SLC35F4: variants seen among roughly 807,000 people sequenced by gnomAD.
SLC35F4 encodes the protein chromosome 14 open reading frame 36.
SLC35F4 carries 24 observed loss-of-function variants against 44.2 expected under a neutral mutation model. The observed-to-expected ratio is 0.54, with a 90% CI of 0.39 to 0.76. The LOEUF (loss-of-function observed/expected upper bound fraction) is 0.76. Among genes scored for constraint, SLC35F4 ranks in the 30% least tolerant of loss-of-function variants. SLC35F4 has a pLI of 0.00. For missense variants in SLC35F4, 562 were observed against 586.1 expected (o/e 0.96, Z 0.42); for synonymous variants, 238 against 223.6 (o/e 1.06, Z -0.57).
chr14:57,661,481 T>A (rs140154245), intron 1 of SLC35F4, among the ~76,000 whole-genome samples: 2 of 152,198 alleles, frequency 1.3e-5, no homozygotes, highest in Admixed American at 6.5e-5. Flanking sequence ...ACTTCCATCT[T>A]TTATAAACCT....
chr14:57,741,584 T>G (rs967401498), intron 1 of SLC35F4, among the ~76,000 whole-genome samples: 1 of 152,076 alleles, frequency 6.6e-6, no homozygotes, highest in Non-Finnish European at 1.5e-5. Flanking sequence ...GAAATGAGAC[T>G]ATGTAAAAAG....
intron 1 of SLC35F4, among the ~76,000 whole-genome samples, chr14:57,980,066 A>G (rs11158189): frequency 0.12 from 17,776 of 152,204 alleles, 1,226 homozygotes; most frequent in East Asian, 0.34. Flanking sequence ...AACTACCTGG[A>G]CAAAAGCTAT....
At chr14:57,962,680 G>A (rs1183947814) in intron 1 of SLC35F4, among the ~76,000 whole-genome samples, 2 of 152,202 alleles carry the variant, frequency 1.3e-5, no homozygotes, top group East Asian at 1.9e-4. Context: ...TCGCTTGGCC[G>A]TGCTTCTTTG....
chr14:57,973,686 T>C (rs185486331), downstream of SLC35F4, among the ~76,000 whole-genome samples: 1 of 152,222 alleles, frequency 6.6e-6, no homozygotes, highest in East Asian at 1.9e-4. Flanking sequence ...AGAAACCCAC[T>C]ACAAATCACC....
At chr14:57,955,561 C>T (rs1890221122) in intron 1 of SLC35F4, among the ~76,000 whole-genome samples, 1 of 152,210 alleles carries the variant, frequency 6.6e-6, no homozygotes, top group African/African-American at 2.4e-5. Flanking sequence ...AGCCGAAAAT[C>T]TCCTTAAGCT....
rs140382922 is a variant in SLC35F4 at position 57,822,923 on chromosome 14, C to A, written c.103+42800G>T. Among the ~76,000 whole-genome samples the A allele has an allele frequency of 4.9e-3, 746 of 152,230 alleles. 5 individuals carry two copies. The highest frequency in any genetic ancestry group is 7.9e-3 in the Non-Finnish European group (539 of 68,012). ...TCTCTTCTGTATCTACAACTTCATC[C>A]CCTAAGTGTTCCCAGGCATCAAAAA... On this transcript the variant is annotated intron_variant, in intron 1 of 7. Transcript: ENST00000556826.
chr14:57,841,218 A>AT (rs1040433195), intron 1 of SLC35F4, among the ~76,000 whole-genome samples: 16 of 152,232 alleles, frequency 1.1e-4, no homozygotes, highest in African/African-American at 3.9e-4. Flanking sequence ...AGATCAAGGG[A>AT]TTTTGAGCCC....
chr14:57,762,315 T>G (rs2077142830), intron 1 of SLC35F4, among the ~76,000 whole-genome samples: 1 of 152,168 alleles, frequency 6.6e-6, no homozygotes, highest in African/African-American at 2.4e-5. Context: ...GGAACTTTCA[T>G]TTTGTTCTGT....
At chr14:57,632,585 T>C (rs554501451) in intron 1 of SLC35F4, among the ~76,000 whole-genome samples, 70 of 152,140 alleles carry the variant, frequency 4.6e-4, no homozygotes, top group African/African-American at 1.7e-3. Context: ...GCCTCCCCCA[T>C]TATCAACATT....
chr14:57,650,766 C>T (rs1473140592), intron 1 of SLC35F4, among the ~76,000 whole-genome samples: 1 of 152,188 alleles, frequency 6.6e-6, no homozygotes, highest in Admixed American at 6.5e-5. Flanking sequence ...CATCCCTGCC[C>T]ACCCCTCCAG....
At chr14:57,857,555 T>C (rs1011375235) in intron 1 of SLC35F4, among the ~76,000 whole-genome samples, 3 of 152,076 alleles carry the variant, frequency 2.0e-5, no homozygotes, top group Admixed American at 2.0e-4. Context: ...TTTCATTCGT[T>C]AGCACAATAA....
At chr14:57,607,713 C>T (rs1236294165) in intron 1 of SLC35F4, among the ~76,000 whole-genome samples, 6 of 152,116 alleles carry the variant, frequency 3.9e-5, no homozygotes, top group Admixed American at 6.6e-5. Flanking sequence ...CACTGTGTAA[C>T]GTGGAGAACG....
intron 1 of SLC35F4, among the ~76,000 whole-genome samples, chr14:57,890,252 A>C (rs1888732923): frequency 6.6e-6 from 1 of 152,192 alleles, no homozygotes; most frequent in South Asian, 2.1e-4. Flanking sequence ...CCTGGAGACA[A>C]ACAAGATCAG....
chr14:57,761,458 A>C (rs2077122878), intron 1 of SLC35F4, among the ~76,000 whole-genome samples: 1 of 152,232 alleles, frequency 6.6e-6, no homozygotes, highest in Non-Finnish European at 1.5e-5. Flanking sequence ...AAAAGTCTAC[A>C]TAATGAAGAC....
At chr14:57,791,527 T>C (rs1469826324) in intron 1 of SLC35F4, among the ~76,000 whole-genome samples, 2 of 152,230 alleles carry the variant, frequency 1.3e-5, no homozygotes, top group Admixed American at 6.5e-5. Context: ...TATACACTGT[T>C]GGCAGGAGTG....
intron 1 of SLC35F4, among the ~76,000 whole-genome samples, chr14:57,826,387 T>G (rs1256027920): frequency 2.0e-5 from 3 of 152,130 alleles, no homozygotes; most frequent in African/African-American, 7.2e-5. Flanking sequence ...GACTTAAATG[T>G]AAAATCTAAA....
chr14:57,633,159 G>A (rs897320921), intron 1 of SLC35F4, among the ~76,000 whole-genome samples: 3 of 152,102 alleles, frequency 2.0e-5, no homozygotes, highest in African/African-American at 7.2e-5. Context: ...TTGCATCTAA[G>A]TCTGGGCAAT....
rs568707350 is a variant in SLC35F4 at position 57,569,481 on chromosome 14, C to T, written c.1126+307G>A. Among the ~76,000 whole-genome samples the T allele has an allele frequency of 5.4e-4, 82 of 152,254 alleles. No individual in the cohort carries two copies. In the Middle Eastern group the frequency reaches 0.01, roughly 19 times the overall value. The stretch of plus-strand genomic sequence containing the variant: ...GCATGGCACACATGGAACATTATAA[C>T]ATGATACAGTGTATTAGAAAGAATG... On this transcript the variant is annotated intron_variant, in intron 6 of 7. Coordinates refer to ENST00000556826, the MANE Select transcript of SLC35F4 (RefSeq NM_001306087.2).
At chr14:57,952,940 C>T (rs1890167246) in intron 1 of SLC35F4, among the ~76,000 whole-genome samples, 1 of 152,138 alleles carries the variant, frequency 6.6e-6, no homozygotes, top group South Asian at 2.1e-4. Flanking sequence ...ACAGAGAACA[C>T]CACAGAGATA....
Sources: allele counts gnomAD v4.1 joint callset (sites outside exome capture counted in the v4.1 genomes callset), GRCh38; gene constraint gnomAD v4.1.1; transcripts MANE v1.5; gene names NCBI Gene and HGNC (gene_info 2026-07-23, HGNC 2026-07-21).